CGNL1: variants seen among roughly 807,000 people sequenced by gnomAD.
CGNL1 encodes cingulin-like protein 1.
A neutral mutation model predicts 141.2 loss-of-function variants in CGNL1; 132 were observed. The ratio of observed to expected loss-of-function variants is 0.93; its 90% CI spans 0.81 to 1.08. The LOEUF (loss-of-function observed/expected upper bound fraction) is 1.08. Ranked by LOEUF, CGNL1 falls within the 50% of genes least tolerant of loss-of-function variation. The pLI is 0.00. For missense variants in CGNL1, 1,870 were observed against 1,588.6 expected, an observed-to-expected ratio of 1.18 and a Z score of -3.01; for synonymous variants, 690 against 622.1, an observed-to-expected ratio of 1.11 and a Z score of -1.63.
At chr15:57,429,375 C>G (rs1176162380) in intron 1 of CGNL1, among the ~76,000 whole-genome samples, 1 of 152,164 alleles carries the variant, frequency 6.6e-6, no homozygotes, top group African/African-American at 2.4e-5. Context: ...CACTAACCAA[C>G]CAATTGGTAG....
At chr15:57,480,624 C>G (rs1455420262) in intron 8 of CGNL1, among the ~76,000 whole-genome samples, 1 of 152,146 alleles carries the variant, frequency 6.6e-6, no homozygotes, top group South Asian at 2.1e-4. Flanking sequence ...GTTAGTTGTA[C>G]CTGTCTCTAG....
chr15:57,546,132 C>A lies in CGNL1; in HGVS notation c.3666C>A (p.Ile1222=). Residue 1222 remains isoleucine, a synonymous_variant, in exon 18 of 19, where the codon ATC becomes ATA. Transcript: ENST00000281282. ...KRQVEEAEEE[I]DRLESSKKKL... ...AGGTGGAGGAGGCTGAGGAGGAAAT[C>A]GACAGACTGGAAAGTTCTAAAAAGA... 1 of 1,613,956 alleles carries A rather than the reference C, an allele frequency of 6.2e-7. No homozygotes were observed. Among genetic ancestry groups the A allele is most frequent in the Non-Finnish European group, 8.5e-7 (1 of 1,179,980 alleles).
At chr15:57,447,805 CGTGTGTGTGTGTGTGTGTGT>C (rs3985737) in intron 4 of CGNL1, among the ~76,000 whole-genome samples, 3 of 144,358 alleles carry the variant, frequency 2.1e-5, no homozygotes, top group African/African-American at 5.1e-5. Context: ...TCTCTCTTTT[CGTGTGTGTGTGTGTGTGTGT>C]GTGTGTGTGT....
chr15:57,468,856 A>C (rs534342542), intron 8 of CGNL1, among the ~76,000 whole-genome samples: 44 of 152,222 alleles, frequency 2.9e-4, no homozygotes, highest in African/African-American at 9.9e-4. Context: ...AGTCCCACGA[A>C]ATCTGATGGT....
chr15:57,482,577 T>A (rs2063738793), intron 8 of CGNL1, among the ~76,000 whole-genome samples: 1 of 152,220 alleles, frequency 6.6e-6, no homozygotes, highest in Non-Finnish European at 1.5e-5. Flanking sequence ...TTTGAACCTC[T>A]GTAAAAGTGG....
chr15:57,424,086 G>T (rs1419070966), intron 1 of CGNL1, among the ~76,000 whole-genome samples: 1 of 152,154 alleles, frequency 6.6e-6, no homozygotes, highest in African/African-American at 2.4e-5. Flanking sequence ...ACACCCTGTG[G>T]GTTTGGCTCC....
chr15:57,534,560 G>T (rs2032142834), intron 14 of CGNL1, among the ~76,000 whole-genome samples: 1 of 152,218 alleles, frequency 6.6e-6, no homozygotes, highest in African/African-American at 2.4e-5. Flanking sequence ...GGTATAGACA[G>T]ATGGGCCCTG....
intron 9 of CGNL1, among the ~76,000 whole-genome samples, chr15:57,517,802 C>T (rs1175289618): frequency 6.6e-6 from 1 of 152,120 alleles, no homozygotes; most frequent in Non-Finnish European, 1.5e-5. Flanking sequence ...CCTCATCACC[C>T]CCTAAAGGTC....
At chr15:57,404,604 A>G (rs1272610417) in intron 1 of CGNL1, among the ~76,000 whole-genome samples, 1 of 152,188 alleles carries the variant, frequency 6.6e-6, no homozygotes, top group African/African-American at 2.4e-5. Context: ...GTGGGTTCCC[A>G]GAGAGCCCTG....
At chr15:57,422,976 C>G (rs2062932633) in intron 1 of CGNL1, among the ~76,000 whole-genome samples, 1 of 152,106 alleles carries the variant, frequency 6.6e-6, no homozygotes, top group Non-Finnish European at 1.5e-5. Context: ...GTAAGTTCCC[C>G]TCCACCTGGA....
At chr15:57,475,800 C>T (rs189405272) in intron 8 of CGNL1, among the ~76,000 whole-genome samples, 106 of 152,160 alleles carry the variant, frequency 7.0e-4, no homozygotes, top group African/African-American at 2.3e-3. Context: ...TTCTTTCCCC[C>T]GGCTCATATT....
At chr15:57,474,272 G>T (rs1302700193) in intron 8 of CGNL1, among the ~76,000 whole-genome samples, 1 of 152,002 alleles carries the variant, frequency 6.6e-6, no homozygotes, top group Non-Finnish European at 1.5e-5. Context: ...TGTCACTTTA[G>T]GCTGCTAAGT....
chr15:57,529,088 A>G (rs1417969139), intron 13 of CGNL1: 4 of 313,750 alleles, frequency 1.3e-5, no homozygotes, highest in Non-Finnish European at 2.4e-5. Flanking sequence ...CAGGGACATT[A>G]GGTGATTTTG....
At chr15:57,463,891 C>G (rs764204053) in intron 8 of CGNL1, among the ~76,000 whole-genome samples, 3 of 152,132 alleles carry the variant, frequency 2.0e-5, no homozygotes, top group Admixed American at 1.3e-4. Flanking sequence ...TATGAACATG[C>G]CCTAGATACC....
intron 2 of CGNL1, among the ~76,000 whole-genome samples, 177 bp downstream of exon 2, chr15:57,439,778 T>A (rs2063162076): frequency 6.6e-6 from 1 of 152,192 alleles, no homozygotes; most frequent in Non-Finnish European, 1.5e-5. Flanking sequence ...CTACTGCCAA[T>A]TGTATAGTTT....
chr15:57,512,942 G>C (rs941354475), intron 8 of CGNL1, among the ~76,000 whole-genome samples: 3 of 145,474 alleles, frequency 2.1e-5, no homozygotes, highest in African/African-American at 7.6e-5. Flanking sequence ...TGTAACTTTT[G>C]TTTACCCTTT....
chr15:57,412,506 T>C (rs999558735), intron 1 of CGNL1, among the ~76,000 whole-genome samples: 2 of 152,200 alleles, frequency 1.3e-5, no homozygotes, highest in Non-Finnish European at 2.9e-5. Flanking sequence ...ATTATCACAT[T>C]TCCCAGGAAC....
intron 1 of CGNL1, among the ~76,000 whole-genome samples, chr15:57,420,277 CT>C (rs766030444): frequency 5.3e-5 from 8 of 152,150 alleles, no homozygotes; most frequent in Non-Finnish European, 1.0e-4. Flanking sequence ...TACTGGAGTA[CT>C]GTTGTTTCTA....
intron 8 of CGNL1, among the ~76,000 whole-genome samples, chr15:57,464,670 T>TTTTCCTTTCCGTTCCTTTCC (rs2063487755): frequency 1.8e-5 from 2 of 111,742 alleles, no homozygotes; most frequent in African/African-American, 6.9e-5. Flanking sequence ...CTGCGGTTTC[T>TTTTCCTTTCCGTTCCTTTCC]TTTCCTTTCC....
Sources: gnomAD v4.1 joint callset for allele counts (sites outside exome capture counted in the v4.1 genomes callset) on GRCh38, gnomAD v4.1.1 for gene constraint, MANE v1.5 for transcripts, NCBI Gene and HGNC (gene_info 2026-07-23, HGNC 2026-07-21) for gene names.